Variants in CFTR observed in about 807,000 individuals in gnomAD.
CFTR encodes the protein cystic fibrosis transmembrane conductance regulator.
A neutral mutation model predicts 171.6 loss-of-function variants in CFTR; 181 were observed. That is an observed-to-expected ratio of 1.05 (90% CI 0.93 to 1.19). The LOEUF is 1.19. CFTR is among the 50% of genes most tolerant of loss of function. CFTR has a pLI of 0.00. For missense variants in CFTR, 1,968 were observed against 1,734.7 expected (o/e 1.13, Z -2.39); for synonymous variants, 583 against 608.0 (o/e 0.96, Z 0.60).
At chr7:117,658,579 G>A (rs540197657) in intron 24 of CFTR, among the ~76,000 whole-genome samples, 3 of 152,196 alleles carry the variant, frequency 2.0e-5, no homozygotes, top group African/African-American at 7.2e-5. Flanking sequence ...AGCACCTTAT[G>A]TCAATAAGTG....
chr7:117,630,575 AG>A (rs1052283975), intron 22 of CFTR, among the ~76,000 whole-genome samples: 2 of 152,168 alleles, frequency 1.3e-5, no homozygotes, highest in African/African-American at 4.8e-5. Flanking sequence ...ATCGAGATGG[AG>A]TCTTGCTCAC....
chr7:117,666,956 C>T lies in CFTR; in HGVS notation c.4291C>T (p.Leu1431=), dbSNP rs774296351. 3 of 1,614,056 alleles carry T rather than the reference C, an allele frequency of 1.9e-6. No individual in the cohort carries two copies. The East Asian group carries it at 6.7e-5, about 36-fold the overall frequency. Residue 1431 remains leucine (L), a synonymous_variant, in exon 27 of 27, where the codon CTG becomes TTG. Transcript: ENST00000003084. ...VRQYDSIQKL[L]NERSLFRQAI... ...GCAGTACGATTCCATCCAGAAACTG[C>T]TGAACGAGAGGAGCCTCTTCCGGCA...
chr7:117,501,397 A>G (rs1227050717), intron 1 of CFTR, among the ~76,000 whole-genome samples: 1 of 152,048 alleles, frequency 6.6e-6, no homozygotes, highest in African/African-American at 2.4e-5. Flanking sequence ...ATTATTAAAA[A>G]TTAAATTATT....
intron 4 of CFTR, among the ~76,000 whole-genome samples, chr7:117,534,016 C>G (rs1323707300): frequency 6.6e-6 from 1 of 151,992 alleles, no homozygotes; most frequent in Non-Finnish European, 1.5e-5. Flanking sequence ...ATATCATTCT[C>G]ATTGTGAGGA....
Position 117,534,294 on chromosome 7 carries a change from C to T in CFTR, c.508C>T (p.Arg170Cys), listed in dbSNP as rs578029902. 4.5e-5 allele frequency: 72 copies of T among 1,591,748 alleles called. 1 individual carries two copies. Among genetic ancestry groups the T allele is most frequent in the South Asian group, 2.5e-4 (23 of 90,498 alleles). Reference sequence around the variant, plus strand: ...CTTTTAGACTTTAAAGCTGTCAAGCCGTGTTCTAGATAAAATAAGTATTGG... The same window carrying T: ...CTTTTAGACTTTAAAGCTGTCAAGCTGTGTTCTAGATAAAATAAGTATTGG... ...IYKKTLKLSS[R>C]VLDKISIGQL... Residue 170 changes from arginine to cysteine, a missense_variant, in exon 5 of 27, where the codon CGT (arginine) becomes TGT (cysteine). Transcript: ENST00000003084.
chr7:117,519,995 AT>A (rs1397147377), intron 3 of CFTR, among the ~76,000 whole-genome samples: 2 of 152,120 alleles, frequency 1.3e-5, no homozygotes, highest in African/African-American at 4.8e-5. Flanking sequence ...AACTATGAAA[AT>A]TCAGTCCTAA....
At chr7:117,576,701 G>A (rs1280983540) in intron 11 of CFTR, among the ~76,000 whole-genome samples, 1 of 152,064 alleles carries the variant, frequency 6.6e-6, no homozygotes, top group East Asian at 1.9e-4. Flanking sequence ...AGACAAGTGA[G>A]GGCTAGGATC....
In CFTR at chr7:117,589,940, A is replaced by T. The variant is rs147494130; in HGVS notation, c.1680-413A>T. ...GGGCAGGAACTGTATAATTTTTGCC[A>T]TTGTATTTTGAGCACATAGCATGGT... On this transcript the variant is annotated intron_variant, in intron 12 of 26. Coordinates refer to ENST00000003084, the MANE Select transcript of CFTR (RefSeq NM_000492.4). Among the ~76,000 whole-genome samples the T allele has an allele frequency of 1.8e-3, 279 of 152,132 alleles. 1 individual carries two copies. The highest frequency in any genetic ancestry group is 3.4e-3 in the Middle Eastern group (1 of 294).
At chr7:117,617,277 T>G (rs1047070242) in intron 21 of CFTR, among the ~76,000 whole-genome samples, 4 of 151,592 alleles carry the variant, frequency 2.6e-5, no homozygotes, top group Non-Finnish European at 5.9e-5. Flanking sequence ...AATGACAGTG[T>G]GGCTTTTTTT....
At chr7:117,571,300 G>A (rs1317594418) in intron 11 of CFTR, among the ~76,000 whole-genome samples, 1 of 152,162 alleles carries the variant, frequency 6.6e-6, no homozygotes. Flanking sequence ...GAAATCCAGA[G>A]CAGGAACAGA....
chr7:117,666,927 T>C lies in CFTR; in HGVS notation c.4262T>C (p.Val1421Ala). The C allele has an allele frequency of 6.2e-7, 1 of 1,614,004 alleles. No homozygotes were observed. Among genetic ancestry groups the C allele is most frequent in the Non-Finnish European group, 8.5e-7 (1 of 1,179,952 alleles). ...CCCTAGGTCATAGAAGAGAACAAAG[T>C]GCGGCAGTACGATTCCATCCAGAAA... ...QQFLVIEENK[V>A]RQYDSIQKLL... is the part of the protein sequence containing the mutation. Residue 1421 changes from valine (V) to alanine (A), a missense_variant, in exon 27 of 27, where the codon GTG becomes GCG. Val to Ala is a moderately conservative substitution (Grantham distance 64). Coordinates refer to ENST00000003084, the MANE Select transcript of CFTR (RefSeq NM_000492.4).
intron 11 of CFTR, among the ~76,000 whole-genome samples, chr7:117,584,108 C>T (rs1266867537): frequency 3.3e-5 from 5 of 151,904 alleles, no homozygotes; most frequent in Admixed American, 3.3e-4. Flanking sequence ...ATATTCTTTC[C>T]CACTCTGTAG....
chr7:117,557,008 G>T (rs547692142), intron 10 of CFTR, among the ~76,000 whole-genome samples: 39 of 151,172 alleles, frequency 2.6e-4, no homozygotes, highest in Non-Finnish European at 5.0e-4. Context: ...ATTTTTCTTC[G>T]CTTTTTTGTT....
At chr7:117,591,801 A>T in intron 13 of CFTR, 133 bp from the exon 14 acceptor site, 1 of 580,744 alleles carries the variant, frequency 1.7e-6, no homozygotes, top group South Asian at 3.0e-5. Flanking sequence ...GTACTTATAG[A>T]ATCATTTAAA....
At chr7:117,523,054 C>T (rs1445956006) in intron 3 of CFTR, among the ~76,000 whole-genome samples, 3 of 152,158 alleles carry the variant, frequency 2.0e-5, no homozygotes. Flanking sequence ...AAATAAACTG[C>T]ATTTTAGTTT....
At chr7:117,567,869 G>C (rs934680832) in intron 11 of CFTR, among the ~76,000 whole-genome samples, 1 of 152,178 alleles carries the variant, frequency 6.6e-6, no homozygotes, top group Non-Finnish European at 1.5e-5. Flanking sequence ...GGTTAATGTA[G>C]GGTTCTTATG....
chr7:117,539,120 T>C (rs1039344446), intron 7 of CFTR, among the ~76,000 whole-genome samples: 10 of 152,108 alleles, frequency 6.6e-5, no homozygotes, highest in Admixed American at 2.0e-4. Flanking sequence ...TGACCTTTCC[T>C]TGGGCAAGAG....
At chr7:117,662,909 A>G (rs1216834854) in intron 24 of CFTR, among the ~76,000 whole-genome samples, 4 of 152,192 alleles carry the variant, frequency 2.6e-5, no homozygotes, top group African/African-American at 9.7e-5. Context: ...AGAGTTGGAA[A>G]TGACAAAGAC....
chr7:117,620,669 A>AC (rs1296015149), intron 21 of CFTR, among the ~76,000 whole-genome samples: 4 of 152,208 alleles, frequency 2.6e-5, no homozygotes, highest in African/African-American at 4.8e-5. Context: ...AAACAAACAA[A>AC]AAAAAAGGTT....
Sources: gnomAD v4.1 joint callset for allele counts (sites outside exome capture counted in the v4.1 genomes callset) on GRCh38, gnomAD v4.1.1 for gene constraint, MANE v1.5 for transcripts, NCBI Gene and HGNC (gene_info 2026-07-23, HGNC 2026-07-21) for gene names.